SMYD3: variants seen among roughly 807,000 people sequenced by gnomAD.
SMYD3 encodes SET and MYND domain containing 3, also known as histone-lysine N-methyltransferase SMYD3.
SMYD3 carries 36 observed loss-of-function variants against 57.7 expected under a neutral mutation model. That is an observed-to-expected ratio of 0.62 (90% CI 0.48 to 0.82). The LOEUF (loss-of-function observed/expected upper bound fraction) is 0.82. Ranked by LOEUF, SMYD3 falls within the 40% of genes least tolerant of loss-of-function variation. SMYD3 has a pLI of 0.00. For missense variants in SMYD3, 515 were observed against 538.8 expected, an observed-to-expected ratio of 0.96 and a Z score of 0.44; for synonymous variants, 211 against 195.0, an observed-to-expected ratio of 1.08 and a Z score of -0.68.
At chr1:245,963,188 CTTAAT>C (rs761462458) in intron 5 of SMYD3, among the ~76,000 whole-genome samples, 9 of 152,094 alleles carry the variant, frequency 5.9e-5, no homozygotes, top group Non-Finnish European at 7.4e-5. Flanking sequence ...GATATATTAG[CTTAAT>C]TTAATTATTC....
intron 5 of SMYD3, among the ~76,000 whole-genome samples, chr1:246,094,626 C>T (rs570304360): frequency 6.6e-6 from 1 of 152,252 alleles, no homozygotes; most frequent in African/African-American, 2.4e-5. Flanking sequence ...AAAGAATTGC[C>T]GTTCAATGCC....
intron 5 of SMYD3, among the ~76,000 whole-genome samples, chr1:246,247,562 G>A (rs116616622): frequency 0.045 from 6,792 of 150,974 alleles, 232 homozygotes; most frequent in African/African-American, 0.086. Flanking sequence ...TCTCTTGTGC[G>A]TGGGAAACTG....
intron 5 of SMYD3, among the ~76,000 whole-genome samples, chr1:246,263,756 A>C (rs1326795741): frequency 6.6e-6 from 1 of 152,206 alleles, no homozygotes; most frequent in East Asian, 1.9e-4. Flanking sequence ...ATTCCTTCCA[A>C]AGGCATGATC....
intron 6 of SMYD3, among the ~76,000 whole-genome samples, chr1:245,928,994 A>G (rs1037945324): frequency 6.6e-6 from 1 of 152,202 alleles, no homozygotes; most frequent in Admixed American, 6.5e-5. Flanking sequence ...ATGTAGAAAC[A>G]CTTTCTTGCA....
At chr1:246,350,138 G>A (rs2148697441) in intron 2 of SMYD3, among the ~76,000 whole-genome samples, 1 of 152,256 alleles carries the variant, frequency 6.6e-6, no homozygotes, top group Non-Finnish European at 1.5e-5. Flanking sequence ...CTAGATTTCA[G>A]GTTAAATGTC....
intron 5 of SMYD3, among the ~76,000 whole-genome samples, chr1:246,029,363 T>C (rs773060208): frequency 3.3e-5 from 5 of 152,062 alleles, no homozygotes; most frequent in African/African-American, 4.8e-5. Flanking sequence ...ATGATATGAA[T>C]AGAAATGTCT....
intron 2 of SMYD3, among the ~76,000 whole-genome samples, chr1:246,347,351 T>G (rs984813766): frequency 2.6e-5 from 4 of 152,064 alleles, no homozygotes; most frequent in African/African-American, 9.7e-5. Flanking sequence ...CCAAGAAGGA[T>G]AAAAGTCCAA....
chr1:246,161,932 G>A (rs187037511), intron 5 of SMYD3, among the ~76,000 whole-genome samples: 1 of 152,316 alleles, frequency 6.6e-6, no homozygotes, highest in Admixed American at 6.5e-5. Flanking sequence ...TGTGTTGGTT[G>A]CAAGAGGGTA....
chr1:246,376,002 T>C (rs567715416), intron 1 of SMYD3, among the ~76,000 whole-genome samples: 41 of 152,226 alleles, frequency 2.7e-4, no homozygotes, highest in African/African-American at 9.1e-4. Flanking sequence ...AGTGCTGGGA[T>C]TACAGGCATC....
chr1:245,905,972 T>C (rs2054534954), intron 8 of SMYD3, among the ~76,000 whole-genome samples: 1 of 152,168 alleles, frequency 6.6e-6, no homozygotes, highest in African/African-American at 2.4e-5. Context: ...CCACTATCTC[T>C]CACCATATAC....
rs2068557231 is a variant in SMYD3 at position 246,507,137 on chromosome 1, T to C, written c.81A>G (p.Gly27=). 6.5e-7 allele frequency: 1 copy of C among 1,534,206 alleles called. No homozygotes were observed. The highest frequency in any genetic ancestry group is 8.8e-7 in the Non-Finnish European group (1 of 1,140,508). The change falls in exon 1 of 12, where the codon GGA becomes GGG. Residue 27 remains glycine (G), a synonymous_variant. Coordinates refer to ENST00000490107, the MANE Select transcript of SMYD3 (RefSeq NM_001167740.2). ...AGGGATCCGAGCGGAAGAGTAGCTC[T>C]CCGGGGCGCAGCGGGGTCACGGCGC... ...GLRAVTPLRP[G]ELLFRSDPLA...
intron 10 of SMYD3, among the ~76,000 whole-genome samples, chr1:245,813,581 A>G (rs1442949174): frequency 1.3e-5 from 2 of 152,192 alleles, no homozygotes. Flanking sequence ...AGGAGTCAGA[A>G]GGGCAAAACC....
At chr1:246,212,266 C>G (rs1014789629) in intron 5 of SMYD3, among the ~76,000 whole-genome samples, 1 of 151,752 alleles carries the variant, frequency 6.6e-6, no homozygotes, top group Non-Finnish European at 1.5e-5. Flanking sequence ...AAGATGCCAA[C>G]AAAAGATATT....
At chr1:246,378,706 A>ATATATATAATATATTATATATAAT (rs1558433530) in intron 1 of SMYD3, among the ~76,000 whole-genome samples, 28 of 49,562 alleles carry the variant, frequency 5.6e-4, no homozygotes, top group African/African-American at 2.0e-3. Context: ...ACTCCCCTTT[A>ATATATATAATATATTATATATAAT]TATATATAAT....
chr1:246,413,907 T>C (rs2102989297), intron 1 of SMYD3, among the ~76,000 whole-genome samples: 1 of 152,316 alleles, frequency 6.6e-6, no homozygotes, highest in South Asian at 2.1e-4. Context: ...GGGATTTTTG[T>C]TTAGTCCACA....
In SMYD3 at chr1:245,914,239, C is replaced by G. The variant is rs181500762; in HGVS notation, c.813+1291G>C. On this transcript the variant is annotated intron_variant, in intron 8 of 11. Transcript: ENST00000490107. Reference sequence around the variant, plus strand: ...GGTTCTCAAAAAACTAAAAATAGAACTACCATACAATCTAGCAATTACAGT... The same window carrying G: ...GGTTCTCAAAAAACTAAAAATAGAAGTACCATACAATCTAGCAATTACAGT... Among the ~76,000 whole-genome samples, 329 of 152,312 alleles carry G rather than the reference C, an allele frequency of 2.2e-3. 1 individual carries two copies. Among genetic ancestry groups the G allele is most frequent in the African/African-American group, 7.6e-3 (314 of 41,576 alleles).
chr1:246,326,912 T>G, intron 5 of SMYD3: 1 of 425,624 alleles, frequency 2.3e-6, no homozygotes, highest in South Asian at 3.7e-5. Flanking sequence ...ATATGCTATT[T>G]TCTTCTGAGA....
intron 10 of SMYD3, among the ~76,000 whole-genome samples, chr1:245,803,478 T>C (rs376876966): frequency 1.7e-4 from 26 of 152,172 alleles, no homozygotes; most frequent in East Asian, 5.8e-4. Flanking sequence ...CAGTTTCATA[T>C]GGTTAAATAC....
intron 5 of SMYD3, among the ~76,000 whole-genome samples, chr1:246,058,211 C>T (rs1470430670): frequency 1.3e-5 from 2 of 152,140 alleles, no homozygotes; most frequent in Non-Finnish European, 2.9e-5. Flanking sequence ...TGAACGCTAA[C>T]AGAAGCTGAA....
Sources: gnomAD v4.1 joint callset for allele counts (sites outside exome capture counted in the v4.1 genomes callset) on GRCh38, gnomAD v4.1.1 for gene constraint, MANE v1.5 for transcripts, NCBI Gene and HGNC (gene_info 2026-07-23, HGNC 2026-07-21) for gene names.